Variants in AOAH observed in about 807,000 individuals in gnomAD.
AOAH encodes the protein acyloxyacyl hydrolase (neutrophil).
A neutral mutation model predicts 92.2 loss-of-function variants in AOAH; 64 were observed. The observed-to-expected ratio is 0.69, with a 90% CI of 0.57 to 0.86. The LOEUF is 0.86. AOAH is among the 40% of genes least tolerant of loss of function. The pLI, the probability that AOAH is intolerant of heterozygous loss-of-function variation, is 0.00. For synonymous variants in AOAH, 263 were observed against 254.5 expected, an observed-to-expected ratio of 1.03 and a Z score of -0.32; for missense variants, 656 against 694.6, an observed-to-expected ratio of 0.94 and a Z score of 0.62.
chr7:36,680,595 G>A (rs1256877048), intron 2 of AOAH, among the ~76,000 whole-genome samples: 2 of 152,166 alleles, frequency 1.3e-5, no homozygotes, highest in Non-Finnish European at 2.9e-5. Flanking sequence ...TTAGCTAGGA[G>A]AACGTCTATC....
chr7:36,718,284 G>A (rs1321142777), intron 1 of AOAH, among the ~76,000 whole-genome samples: 1 of 152,102 alleles, frequency 6.6e-6, no homozygotes, highest in Non-Finnish European at 1.5e-5. Context: ...CTATGATGGC[G>A]ATAGCAAAAT....
At chr7:36,561,066 G>A (rs1406472010) in intron 13 of AOAH, among the ~76,000 whole-genome samples, 4 of 146,664 alleles carry the variant, frequency 2.7e-5, no homozygotes, top group Admixed American at 1.4e-4. Flanking sequence ...TTTTTGAGAC[G>A]GAGTCTCACT....
intron 6 of AOAH, among the ~76,000 whole-genome samples, chr7:36,623,646 A>T (rs898886061): frequency 3.9e-5 from 6 of 152,154 alleles, no homozygotes; most frequent in South Asian, 2.1e-4. Context: ...TTTTCTTAAA[A>T]TTTTACTCTT....
chr7:36,521,047 C>G (rs950979533), intron 20 of AOAH, among the ~76,000 whole-genome samples: 1 of 152,092 alleles, frequency 6.6e-6, no homozygotes, highest in African/African-American at 2.4e-5. Flanking sequence ...CCTGTGAGCA[C>G]TGGCTGAGCC....
chr7:36,655,345 T>G (rs1794817495), intron 4 of AOAH, among the ~76,000 whole-genome samples: 3 of 112,994 alleles, frequency 2.7e-5, no homozygotes, highest in Non-Finnish European at 6.8e-5. Flanking sequence ...TTTGTTGGGA[T>G]AGTTAGGAAT....
At chr7:36,527,836 G>A (rs975635704) in intron 19 of AOAH, among the ~76,000 whole-genome samples, 1 of 152,314 alleles carries the variant, frequency 6.6e-6, no homozygotes, top group East Asian at 1.9e-4. Context: ...CTGGGAAGAT[G>A]AGCTGCCCAG....
Position 36,724,138 on chromosome 7 carries a change from G to T in AOAH, c.11C>A (p.Pro4His), listed in dbSNP as rs201562489. The T allele has an allele frequency of 1.2e-6, 2 of 1,613,256 alleles. No individual in the cohort carries two copies. Among genetic ancestry groups the T allele is most frequent in the African/African-American group, 2.7e-5 (2 of 74,998 alleles). MQSPWKILTVAPLF... is the reference protein window; with the variant it reads MQSHWKILTVAPLF... ...AGGCGCCACCGTAAGGATTTTCCAG[G>T]GGGACTGCATCTCCGAGCTATGCAC... The change falls in exon 1 of 21, where the codon CCC becomes CAC. Residue 4 changes from proline to histidine, a missense_variant. Coordinates refer to ENST00000617537, the MANE Select transcript of AOAH (RefSeq NM_001637.4).
In AOAH at chr7:36,579,004, A is replaced by C. The variant is rs980303578; in HGVS notation, c.939-2348T>G. ...GCATGTCACATGGAAAAAGCAGAGC[A>C]GGAGAACAAGCAAATGTGCTACACA... is the stretch of plus-strand genomic sequence containing the variant. On this transcript the variant is annotated intron_variant, in intron 12 of 20. Transcript: ENST00000617537. 2.6e-5 allele frequency among the ~76,000 whole-genome samples: 4 copies of C among 152,202 alleles called. No homozygotes were observed. In the South Asian group the frequency reaches 8.3e-4, roughly 32 times the overall value.
At chr7:36,619,809 C>A (rs1266870298) in intron 9 of AOAH, among the ~76,000 whole-genome samples, 1 of 152,168 alleles carries the variant, frequency 6.6e-6, no homozygotes, top group Non-Finnish European at 1.5e-5. Context: ...AATTAAGCAA[C>A]TCTTTAGAGG....
intron 13 of AOAH, among the ~76,000 whole-genome samples, chr7:36,573,094 C>T (rs146299585): frequency 1.0e-3 from 154 of 152,326 alleles, no homozygotes; most frequent in African/African-American, 3.5e-3. Context: ...AAATTCAAAA[C>T]CAGTCTACTT....
At chr7:36,643,724 G>T (rs1213343413) in intron 4 of AOAH, among the ~76,000 whole-genome samples, 3 of 152,142 alleles carry the variant, frequency 2.0e-5, no homozygotes, top group African/African-American at 7.2e-5. Context: ...TGGCCTGGTG[G>T]GAGGTGATTG....
intron 4 of AOAH, among the ~76,000 whole-genome samples, chr7:36,646,408 A>G (rs1210735662): frequency 6.6e-6 from 1 of 152,144 alleles, no homozygotes; most frequent in Non-Finnish European, 1.5e-5. Flanking sequence ...TCTTTACACA[A>G]ATAATTTCTG....
chr7:36,708,948 G>A (rs745421674), intron 1 of AOAH, among the ~76,000 whole-genome samples: 2 of 152,136 alleles, frequency 1.3e-5, no homozygotes. Flanking sequence ...GTGTGAGCTA[G>A]GGAATATATT....
chr7:36,537,988 T>C (rs1216618588), intron 16 of AOAH, among the ~76,000 whole-genome samples: 1 of 151,484 alleles, frequency 6.6e-6, no homozygotes. Context: ...GGAGTCATGC[T>C]TACATACCAT....
At chr7:36,523,950 A>T (rs530357796) in intron 19 of AOAH, among the ~76,000 whole-genome samples, 1 of 152,082 alleles carries the variant, frequency 6.6e-6, no homozygotes, top group East Asian at 1.9e-4. Flanking sequence ...TCTTTGTCCC[A>T]TCTCTCCTTG....
intron 13 of AOAH, among the ~76,000 whole-genome samples, chr7:36,572,371 A>T (rs1788200383): frequency 6.6e-6 from 1 of 151,964 alleles, no homozygotes; most frequent in African/African-American, 2.4e-5. Context: ...AATAAAAAAT[A>T]AAAATAGTCA....
At chr7:36,654,337 C>G (rs1584039815) in intron 4 of AOAH, among the ~76,000 whole-genome samples, 1 of 152,096 alleles carries the variant, frequency 6.6e-6, no homozygotes, top group Admixed American at 6.5e-5. Flanking sequence ...TCTTCTTGTA[C>G]CAGTGGGACA....
rs1398608770 is a variant in AOAH at position 36,702,667 on chromosome 7, AAGT to A, written c.128-15876_128-15874del. On this transcript the variant is annotated intron_variant, in intron 1 of 20. Coordinates refer to ENST00000617537, the MANE Select transcript of AOAH (RefSeq NM_001637.4). Reference sequence around the variant, plus strand: ...TATCTTAATTTTAAAAAGACTTTACAAGTAAAACTTGCTAGAGATCATCTGAGC... The same window carrying A: ...TATCTTAATTTTAAAAAGACTTTACAAAAACTTGCTAGAGATCATCTGAGC... 4.6e-5 allele frequency among the ~76,000 whole-genome samples: 7 copies of A among 152,312 alleles called. No homozygotes were observed. In the East Asian group the frequency reaches 1.3e-3, roughly 29 times the overall value.
intron 2 of AOAH, among the ~76,000 whole-genome samples, chr7:36,679,331 C>CA (rs916228567): frequency 1.7e-3 from 237 of 142,052 alleles, no homozygotes; most frequent in African/African-American, 4.6e-3. Flanking sequence ...ATTGAGGCCT[C>CA]AAAAAAAAAA....
Sources: allele counts gnomAD v4.1 joint callset (sites outside exome capture counted in the v4.1 genomes callset), GRCh38; gene constraint gnomAD v4.1.1; transcripts MANE v1.5; gene names NCBI Gene and HGNC (gene_info 2026-07-23, HGNC 2026-07-21).